Variants in DPYD observed in about 807,000 individuals in gnomAD.
DPYD encodes the protein dihydropyrimidine dehydrogenase [NADP(+)].
DPYD carries 109 observed loss-of-function variants against 116.2 expected under a neutral mutation model. The observed-to-expected ratio is 0.94, with a 90% CI of 0.80 to 1.10. DPYD has a LOEUF of 1.10. Among genes scored for constraint, DPYD ranks in the 50% least tolerant of loss-of-function variants. The probability of loss-of-function intolerance (pLI) is 0.00; values close to 1 mark genes in which losing one functional copy is unlikely to be tolerated. For synonymous variants in DPYD, 440 were observed against 432.0 expected, an observed-to-expected ratio of 1.02 and a Z score of -0.23; for missense variants, 1,302 against 1,254.5, an observed-to-expected ratio of 1.04 and a Z score of -0.57.
intron 20 of DPYD, among the ~76,000 whole-genome samples, chr1:97,192,112 G>A (rs1172511424): frequency 1.3e-5 from 2 of 151,666 alleles, no homozygotes; most frequent in African/African-American, 4.9e-5. Flanking sequence ...CTTGAAGAAG[G>A]GTTTTTTTTG....
intron 18 of DPYD, among the ~76,000 whole-genome samples, chr1:97,285,683 AT>A (rs113145453): frequency 0.25 from 34,147 of 138,334 alleles, 4,120 homozygotes; most frequent in Admixed American, 0.37. Context: ...TGTTCCTTTA[AT>A]TTTTTTTTTT....
Position 97,157,977 on chromosome 1 carries a change from C to T in DPYD, c.2622+35092G>A, listed in dbSNP as rs184369999. Among the ~76,000 whole-genome samples the T allele has an allele frequency of 4.6e-5, 7 of 152,230 alleles. No individual in the cohort carries two copies. The East Asian group carries it at 1.3e-3, about 29-fold the overall frequency. On this transcript the variant is annotated intron_variant, in intron 20 of 22. Transcript: ENST00000370192. ...AATAATCAGGCATCACATATTTGGACTTGACTGCTTAGGGTAACCATATAT... is the reference window on the plus strand; with the variant it reads ...AATAATCAGGCATCACATATTTGGATTTGACTGCTTAGGGTAACCATATAT...
At chr1:97,214,673 T>C (rs894972858) in intron 19 of DPYD, among the ~76,000 whole-genome samples, 1 of 152,182 alleles carries the variant, frequency 6.6e-6, no homozygotes, top group African/African-American at 2.4e-5. Context: ...CAGAAGGGAA[T>C]AGAAGATACA....
chr1:97,664,408 T>G (rs1334690953), intron 8 of DPYD, among the ~76,000 whole-genome samples: 4 of 152,060 alleles, frequency 2.6e-5, no homozygotes, highest in Middle Eastern at 6.8e-3. Flanking sequence ...CATATATATG[T>G]ATAGCTATGA....
chr1:97,685,501 G>T (rs1194513715), intron 7 of DPYD, among the ~76,000 whole-genome samples: 1 of 152,084 alleles, frequency 6.6e-6, no homozygotes, highest in African/African-American at 2.4e-5. Flanking sequence ...AGGGCAATCA[G>T]GCAAAAGACA....
chr1:97,345,996 A>G (rs1485565111), intron 16 of DPYD, among the ~76,000 whole-genome samples: 2 of 151,898 alleles, frequency 1.3e-5, no homozygotes, highest in Non-Finnish European at 2.9e-5. Flanking sequence ...TATAATACAT[A>G]TATTAGGTAA....
intron 8 of DPYD, among the ~76,000 whole-genome samples, chr1:97,673,509 T>C (rs1659981003): frequency 6.6e-6 from 1 of 151,906 alleles, no homozygotes; most frequent in Non-Finnish European, 1.5e-5. Flanking sequence ...TAACTAAAAA[T>C]ACGTATAAAG....
chr1:97,844,383 C>T (rs567943345), intron 2 of DPYD, among the ~76,000 whole-genome samples: 1 of 152,122 alleles, frequency 6.6e-6, no homozygotes, highest in South Asian at 2.1e-4. Flanking sequence ...GTCAATCAAC[C>T]GTGTGATTAC....
At position 97,272,075 on chromosome 1, in the gene DPYD, C is replaced by T. The variant is rs565516810; in HGVS notation, c.2299+33184G>A. On this transcript the variant is annotated intron_variant, in intron 18 of 22. Coordinates refer to ENST00000370192, the MANE Select transcript of DPYD (RefSeq NM_000110.4). ...CTCTTTTAAAAACACAAGTTTTGAACGCCTGTGAAAGGTCTCCATTCAATT... is the reference window on the plus strand; with the variant it reads ...CTCTTTTAAAAACACAAGTTTTGAATGCCTGTGAAAGGTCTCCATTCAATT... Among the ~76,000 whole-genome samples, 8 of 152,268 alleles carry T rather than the reference C, an allele frequency of 5.3e-5. No homozygotes were observed. The South Asian group carries it at 6.2e-4, about 12-fold the overall frequency.
intron 20 of DPYD, among the ~76,000 whole-genome samples, chr1:97,160,055 A>G (rs1283083454): frequency 6.6e-6 from 1 of 152,004 alleles, no homozygotes; most frequent in Non-Finnish European, 1.5e-5. Context: ...AGGAAGACAT[A>G]GTGTTTTACT....
At chr1:97,082,877 T>G (rs1410723636) in intron 21 of DPYD, among the ~76,000 whole-genome samples, 1 of 152,136 alleles carries the variant, frequency 6.6e-6, no homozygotes, top group Non-Finnish European at 1.5e-5. Context: ...AAAGTTTAGA[T>G]TGCTCATAAT....
intron 20 of DPYD, among the ~76,000 whole-genome samples, chr1:97,121,823 T>C (rs1652456677): frequency 6.6e-6 from 1 of 152,142 alleles, no homozygotes; most frequent in African/African-American, 2.4e-5. Flanking sequence ...AGGCTTCAGC[T>C]ATTAGTCCAG....
At chr1:97,134,013 A>T (rs1221647118) in intron 20 of DPYD, among the ~76,000 whole-genome samples, 8 of 18,796 alleles carry the variant, frequency 4.3e-4, no homozygotes, top group Admixed American at 7.5e-4. Context: ...AAAAAAAAAA[A>T]AATATATATA....
At chr1:97,631,209 T>A (rs1457120227) in intron 8 of DPYD, among the ~76,000 whole-genome samples, 1 of 152,064 alleles carries the variant, frequency 6.6e-6, no homozygotes, top group African/African-American at 2.4e-5. Flanking sequence ...AAGCATTCTG[T>A]TTGGCCACTG....
Position 97,819,177 on chromosome 1 carries a change from T to C in DPYD, c.233+8937A>G, listed in dbSNP as rs184641463. Reference sequence around the variant, plus strand: ...AATATGTGTTTTTCTGTAATAGAAATGATAAAGATAACATGTTCTCTGTGC... The same window carrying C: ...AATATGTGTTTTTCTGTAATAGAAACGATAAAGATAACATGTTCTCTGTGC... On this transcript the variant is annotated intron_variant, in intron 3 of 22. Coordinates refer to ENST00000370192, the MANE Select transcript of DPYD (RefSeq NM_000110.4). 2.8e-4 allele frequency among the ~76,000 whole-genome samples: 43 copies of C among 151,990 alleles called. 1 individual carries two copies. The East Asian group carries it at 6.2e-3, about 22-fold the overall frequency.
rs185376012 is a variant in DPYD at position 97,581,290 on chromosome 1, G to A, written c.1129-7320C>T. 9.9e-3 allele frequency among the ~76,000 whole-genome samples: 1,192 copies of A among 119,866 alleles called. 24 individuals are homozygous for A. The highest frequency in any genetic ancestry group is 0.036 in the African/African-American group (1,149 of 31,900). 78.6% of individuals were successfully genotyped at this position (119,866 alleles called of 152,430 possible). A position where few individuals can be genotyped will look rare whatever the true frequency, so the allele number is the denominator to read the frequency against. On this transcript the variant is annotated intron_variant, in intron 10 of 22. Coordinates refer to ENST00000370192, the MANE Select transcript of DPYD (RefSeq NM_000110.4). ...TGCAGTGAGCTGAGATCGCACCACT[G>A]CACTCCAGCCTGGGCGACAGAGCGA...
chr1:97,831,930 T>C (rs1251781540), intron 2 of DPYD, among the ~76,000 whole-genome samples: 2 of 152,092 alleles, frequency 1.3e-5, no homozygotes, highest in Non-Finnish European at 2.9e-5. Context: ...CGACCAGACA[T>C]GCCATGTAAT....
At chr1:97,086,984 T>A (rs1326870074) in intron 21 of DPYD, among the ~76,000 whole-genome samples, 1 of 152,222 alleles carries the variant, frequency 6.6e-6, no homozygotes, top group Non-Finnish European at 1.5e-5. Context: ...CTTTTTATGG[T>A]ATATTCACTT....
At chr1:97,371,106 T>A (rs75157185) in intron 16 of DPYD, among the ~76,000 whole-genome samples, 1 of 152,166 alleles carries the variant, frequency 6.6e-6, no homozygotes, top group Non-Finnish European at 1.5e-5. Context: ...TACATCTATA[T>A]AATGTTGATT....
Sources: allele counts gnomAD v4.1 joint callset (sites outside exome capture counted in the v4.1 genomes callset), GRCh38; gene constraint gnomAD v4.1.1; transcripts MANE v1.5; gene names NCBI Gene and HGNC (gene_info 2026-07-23, HGNC 2026-07-21).